Variants in KHDRBS3 observed in about 807,000 individuals in gnomAD.
KHDRBS3 encodes the protein KH domain-containing, RNA-binding, signal transduction-associated protein 3.
Under a neutral mutation model 45.6 loss-of-function variants are expected in KHDRBS3, and 23 were observed. The observed-to-expected ratio is 0.50, with a 90% CI of 0.36 to 0.72. The LOEUF (loss-of-function observed/expected upper bound fraction) is 0.72. Ranked by LOEUF, KHDRBS3 falls within the 30% of genes least tolerant of loss-of-function variation. The probability of loss-of-function intolerance (pLI) is 0.00; values close to 1 mark genes in which losing one functional copy is unlikely to be tolerated. For synonymous variants in KHDRBS3, 162 were observed against 156.5 expected, an observed-to-expected ratio of 1.04 and a Z score of -0.26; for missense variants, 352 against 424.8, an observed-to-expected ratio of 0.83 and a Z score of 1.51.
At chr8:135,645,540 C>G (rs1290718370) in intron 8 of KHDRBS3, among the ~76,000 whole-genome samples, 1 of 152,126 alleles carries the variant, frequency 6.6e-6, no homozygotes, top group Non-Finnish European at 1.5e-5. Context: ...CAATCTCAAA[C>G]CCTCTGAAAA....
At chr8:135,459,792 T>G (rs112228436) in intron 1 of KHDRBS3, among the ~76,000 whole-genome samples, 2 of 152,232 alleles carry the variant, frequency 1.3e-5, no homozygotes, top group Non-Finnish European at 2.9e-5. Context: ...GGATTCTGTG[T>G]TTTTACCAGT....
chr8:135,466,273 C>G (rs1821693005), intron 1 of KHDRBS3, among the ~76,000 whole-genome samples: 2 of 152,172 alleles, frequency 1.3e-5, no homozygotes, highest in African/African-American at 4.8e-5. Flanking sequence ...GGCACTGTAG[C>G]TAGGTTCTTC....
chr8:135,514,596 T>C (rs1222095920), intron 1 of KHDRBS3, among the ~76,000 whole-genome samples: 1 of 152,234 alleles, frequency 6.6e-6, no homozygotes, highest in Admixed American at 6.5e-5. Context: ...TGCATAGGGT[T>C]TCACTTGTGT....
intron 1 of KHDRBS3, among the ~76,000 whole-genome samples, chr8:135,498,672 G>T (rs1823580541): frequency 6.6e-6 from 1 of 152,082 alleles, no homozygotes; most frequent in South Asian, 2.1e-4. Flanking sequence ...AATGAAAATG[G>T]TTTCAAGTAA....
At chr8:135,496,258 A>T (rs1191462183) in intron 1 of KHDRBS3, among the ~76,000 whole-genome samples, 7 of 151,374 alleles carry the variant, frequency 4.6e-5, no homozygotes, top group Non-Finnish European at 8.8e-5. Flanking sequence ...TTTGAGACAG[A>T]GTCTTGCTCT....
chr8:135,478,670 G>C (rs1822415900), intron 1 of KHDRBS3, among the ~76,000 whole-genome samples: 1 of 152,046 alleles, frequency 6.6e-6, no homozygotes, highest in Admixed American at 6.6e-5. Context: ...ATCAATAACA[G>C]AAAGAAATTT....
chr8:135,498,886 C>G (rs1823592714), intron 1 of KHDRBS3, among the ~76,000 whole-genome samples: 2 of 151,656 alleles, frequency 1.3e-5, no homozygotes, highest in African/African-American at 2.4e-5. Context: ...GTCGTGGAAG[C>G]ATTGCACAAA....
intron 2 of KHDRBS3, among the ~76,000 whole-genome samples, chr8:135,535,150 G>A (rs143582449): frequency 5.9e-5 from 9 of 151,630 alleles, no homozygotes; most frequent in Admixed American, 1.3e-4. Flanking sequence ...TCTAATTTGT[G>A]TGAAAATCAG....
In KHDRBS3 at chr8:135,645,170, A is replaced by G. The variant is rs1831233335; in HGVS notation, c.949+53A>G. 1.5e-5 allele frequency: 24 copies of G among 1,563,156 alleles called. 1 individual carries two copies. In the South Asian group the frequency reaches 1.9e-4, roughly 12 times the overall value. ...AGAGGGAGGAGAGATGGCCGTAGAA[A>G]GACCTTAAAGATATTAATGGGAAGA... On this transcript the variant is annotated intron_variant, in intron 8 of 8. Coordinates refer to ENST00000355849, the MANE Select transcript of KHDRBS3 (RefSeq NM_006558.3).
chr8:135,589,827 C>T (rs539991962), intron 6 of KHDRBS3, among the ~76,000 whole-genome samples: 3 of 152,228 alleles, frequency 2.0e-5, no homozygotes, highest in East Asian at 1.9e-4. Context: ...CCTTTGTCAA[C>T]GCCAACTAAT....
At chr8:135,542,585 T>C in intron 2 of KHDRBS3, 69 bp from the exon 3 acceptor site, 1 of 988,546 alleles carries the variant, frequency 1.0e-6, no homozygotes, top group Non-Finnish European at 1.6e-6. Flanking sequence ...ACAGTGTTTC[T>C]TAACATTCAA....
At chr8:135,514,434 C>CATA (rs1157579156) in intron 1 of KHDRBS3, among the ~76,000 whole-genome samples, 2 of 152,156 alleles carry the variant, frequency 1.3e-5, no homozygotes, top group African/African-American at 4.8e-5. Context: ...GCCTTGAGGG[C>CATA]ATTATGCTAA....
chr8:135,502,361 T>A (rs1227351123), intron 1 of KHDRBS3, among the ~76,000 whole-genome samples: 1 of 152,176 alleles, frequency 6.6e-6, no homozygotes. Context: ...GATATATCTA[T>A]GAAGTTTTGC....
At chr8:135,649,020 A>G (rs761379575), downstream of KHDRBS3, among the ~76,000 whole-genome samples, 1 of 152,126 alleles carries the variant, frequency 6.6e-6, no homozygotes, top group Non-Finnish European at 1.5e-5. Context: ...TTTTGACAGT[A>G]TTTATCTTAG....
intron 1 of KHDRBS3, among the ~76,000 whole-genome samples, chr8:135,486,015 A>G (rs1036970055): frequency 3.9e-5 from 6 of 152,008 alleles, no homozygotes; most frequent in African/African-American, 1.5e-4. Context: ...ACCAGAGGGC[A>G]CAGAGCAGCA....
At chr8:135,515,169 A>G (rs527322434) in intron 1 of KHDRBS3, among the ~76,000 whole-genome samples, 39 of 151,792 alleles carry the variant, frequency 2.6e-4, no homozygotes, top group South Asian at 6.2e-4. Context: ...GATTGAGACC[A>G]TCCTGGCTAA....
At chr8:135,550,973 G>T (rs1826560995) in intron 4 of KHDRBS3, among the ~76,000 whole-genome samples, 1 of 152,036 alleles carries the variant, frequency 6.6e-6, no homozygotes, top group Non-Finnish European at 1.5e-5. Flanking sequence ...TGTAAATATT[G>T]TATACTTTTT....
chr8:135,519,538 A>G (rs1299387079), intron 1 of KHDRBS3, among the ~76,000 whole-genome samples: 1 of 152,194 alleles, frequency 6.6e-6, no homozygotes, highest in East Asian at 1.9e-4. Flanking sequence ...AAGTTTCATC[A>G]AGGAGTGAGA....
chr8:135,562,668 A>G (rs534988677), intron 5 of KHDRBS3, among the ~76,000 whole-genome samples: 57 of 152,358 alleles, frequency 3.7e-4, no homozygotes, highest in African/African-American at 1.2e-3. Flanking sequence ...CAAAAACCCA[A>G]GGGTAAGGTC....
Sources: allele counts gnomAD v4.1 joint callset (sites outside exome capture counted in the v4.1 genomes callset), GRCh38; gene constraint gnomAD v4.1.1; transcripts MANE v1.5; gene names NCBI Gene and HGNC (gene_info 2026-07-23, HGNC 2026-07-21).